DPP8: variants seen among roughly 807,000 people sequenced by gnomAD.
DPP8 encodes the protein dipeptidyl peptidase 8.
In DPP8, 31 loss-of-function variants were observed where a neutral mutation model predicts 107.5. That is an observed-to-expected ratio of 0.29 (90% CI 0.22 to 0.39). The LOEUF is 0.39. DPP8 is among the 10% of genes least tolerant of loss of function. The pLI is 1.00. For synonymous variants in DPP8, 381 were observed against 356.6 expected (o/e 1.07, Z -0.77); for missense variants, 842 against 1,076.1 (o/e 0.78, Z 3.04).
intron 1 of DPP8, among the ~76,000 whole-genome samples, chr15:65,514,655 C>G (rs751080733): frequency 8.5e-5 from 13 of 152,248 alleles, no homozygotes; most frequent in Non-Finnish European, 1.9e-4. Flanking sequence ...GGATTACAGG[C>G]ACCCGCCATC....
At chr15:65,502,047 G>T (rs1420880770) in intron 3 of DPP8, among the ~76,000 whole-genome samples, 1 of 152,132 alleles carries the variant, frequency 6.6e-6, no homozygotes, top group African/African-American at 2.4e-5. Flanking sequence ...GTGCCACCAC[G>T]CCCAGCTAAT....
Position 65,463,626 on chromosome 15 carries a change from A to G in DPP8, c.1971+135T>C. 6.2e-6 allele frequency: 4 copies of G among 649,558 alleles called. No homozygotes were observed. In the South Asian group the frequency reaches 9.0e-5, roughly 15 times the overall value. The allele number at this position is 649,558 out of a possible 1,614,324, so 40.2% of individuals were successfully genotyped here. Reference sequence around the variant, plus strand: ...CTGACCCCCTAAACTGAATAATTGGAATATAAGACGGAGTCATTAAAAGCA... The same window carrying G: ...CTGACCCCCTAAACTGAATAATTGGGATATAAGACGGAGTCATTAAAAGCA... On this transcript the variant is annotated intron_variant, in intron 15 of 19. Coordinates refer to ENST00000300141, the MANE Select transcript of DPP8 (RefSeq NM_130434.5).
At chr15:65,494,947 C>G (rs1486287429) in intron 5 of DPP8, among the ~76,000 whole-genome samples, 1 of 152,144 alleles carries the variant, frequency 6.6e-6, no homozygotes, top group African/African-American at 2.4e-5. Context: ...CACAAAGTAT[C>G]CAGAACAACT....
chr15:65,515,324 C>T (rs2071315346), intron 1 of DPP8, among the ~76,000 whole-genome samples: 1 of 152,074 alleles, frequency 6.6e-6, no homozygotes, highest in Non-Finnish European at 1.5e-5. Flanking sequence ...TCGTACTAAG[C>T]CCTGGACACT....
At chr15:65,449,754 A>G (rs2140319918) in intron 19 of DPP8, among the ~76,000 whole-genome samples, 1 of 152,238 alleles carries the variant, frequency 6.6e-6, no homozygotes, top group South Asian at 2.1e-4. Flanking sequence ...TTTTCTTCAC[A>G]TACTTTAGTC....
intron 5 of DPP8, among the ~76,000 whole-genome samples, chr15:65,491,708 G>C (rs2068048729): frequency 6.6e-6 from 1 of 152,122 alleles, no homozygotes; most frequent in South Asian, 2.1e-4. Flanking sequence ...TCTGTTTCCA[G>C]TTTCTGGCTA....
chr15:65,460,505 G>A (rs565295984), intron 15 of DPP8, among the ~76,000 whole-genome samples: 1 of 152,054 alleles, frequency 6.6e-6, no homozygotes, highest in African/African-American at 2.4e-5. Flanking sequence ...TCCAGTCCCT[G>A]ACAACTTCTA....
chr15:65,461,946 T>C (rs1168793280), intron 15 of DPP8, among the ~76,000 whole-genome samples: 1 of 151,674 alleles, frequency 6.6e-6, no homozygotes, highest in Non-Finnish European at 1.5e-5. Context: ...CTTCAAGCTT[T>C]AACCAGAAGT....
At chr15:65,502,194 G>A (rs1476858575) in intron 3 of DPP8, among the ~76,000 whole-genome samples, 1 of 152,026 alleles carries the variant, frequency 6.6e-6, no homozygotes, top group Admixed American at 6.6e-5. Context: ...TGGCCCTCAT[G>A]AAAGAAGTGA....
intron 2 of DPP8, chr15:65,511,845 G>A: frequency 1.7e-5 from 4 of 238,850 alleles, no homozygotes; most frequent in Non-Finnish European, 2.6e-5. Context: ...TAACAAACAA[G>A]AAAGTAAATC....
intron 11 of DPP8, chr15:65,475,493 T>C (rs927771082): frequency 1.3e-6 from 2 of 1,498,266 alleles, no homozygotes; most frequent in Non-Finnish European, 1.8e-6. Flanking sequence ...CACTCCCACA[T>C]AGGCCATCAC....
chr15:65,452,904 G>A (rs1454405369), intron 17 of DPP8, among the ~76,000 whole-genome samples: 3 of 151,630 alleles, frequency 2.0e-5, no homozygotes, highest in African/African-American at 4.9e-5. Flanking sequence ...CCTGAGAGGC[G>A]GAGGTTGCAG....
At position 65,463,312 on chromosome 15, in the gene DPP8, G is replaced by A. The variant is rs914921586; in HGVS notation, c.1971+449C>T. Among the ~76,000 whole-genome samples, 5 of 152,310 alleles carry A rather than the reference G, an allele frequency of 3.3e-5. No homozygotes were observed. In the East Asian group the frequency reaches 9.6e-4, roughly 29 times the overall value. On this transcript the variant is annotated intron_variant, in intron 15 of 19. Coordinates refer to ENST00000300141, the MANE Select transcript of DPP8 (RefSeq NM_130434.5). Reference sequence around the variant, plus strand: ...CCAACACTTTGGGAGCCTGAGGCGGGTGGGTCACTTGAGGTCAGGAGTTGG... The same window carrying A: ...CCAACACTTTGGGAGCCTGAGGCGGATGGGTCACTTGAGGTCAGGAGTTGG...
At position 65,492,664 on chromosome 15, in the gene DPP8, C is replaced by T. The variant is rs569950703; in HGVS notation, c.716-2365G>A. ...AGGGTAGAGCGCAGGGGTGAGATCTCGGGTCACTGCAGCCTTCATCTCCTG... is the reference window on the plus strand; with the variant it reads ...AGGGTAGAGCGCAGGGGTGAGATCTTGGGTCACTGCAGCCTTCATCTCCTG... On this transcript the variant is annotated intron_variant, in intron 5 of 19. Transcript: ENST00000300141. Among the ~76,000 whole-genome samples, 328 of 151,724 alleles carry T rather than the reference C, an allele frequency of 2.2e-3. 2 individuals are homozygous for T. The highest frequency in any genetic ancestry group is 0.017 in the Middle Eastern group (5 of 294).
At chr15:65,469,503 A>G (rs2065658458) in intron 12 of DPP8, among the ~76,000 whole-genome samples, 1 of 151,356 alleles carries the variant, frequency 6.6e-6, no homozygotes, top group African/African-American at 2.4e-5. Flanking sequence ...AAACACAAAA[A>G]TTAGCTGGGC....
rs1005010247 is a variant in DPP8 at position 65,503,680 on chromosome 15, T to C, written c.373-2901A>G. On this transcript the variant is annotated intron_variant, in intron 3 of 19. Transcript: ENST00000300141. ...CTCTGTCACTCAGGGTAGAGTGCAG[T>C]GGCACGATTTAAGCTCACTGCAACC... is the stretch of plus-strand genomic sequence containing the variant. 4.0e-5 allele frequency among the ~76,000 whole-genome samples: 6 copies of C among 151,832 alleles called. No homozygotes were observed. The East Asian group carries it at 1.2e-3, about 30-fold the overall frequency.
chr15:65,484,245 G>C (rs1380954399), intron 8 of DPP8, among the ~76,000 whole-genome samples: 1 of 151,276 alleles, frequency 6.6e-6, no homozygotes. Flanking sequence ...AGAATCATGT[G>C]AACCCAGAAG....
At chr15:65,505,595 T>G (rs2069857394) in intron 3 of DPP8, among the ~76,000 whole-genome samples, 1 of 152,172 alleles carries the variant, frequency 6.6e-6, no homozygotes, top group Non-Finnish European at 1.5e-5. Flanking sequence ...AATTTTTTGT[T>G]TTAAAGAAAA....
rs1039997502 is a variant in DPP8 at position 65,512,979 on chromosome 15, A to G, written c.-11-415T>C. The G allele has an allele frequency of 3.5e-5, 6 of 171,256 alleles. No individual in the cohort carries two copies. The East Asian group carries it at 1.0e-3, about 29-fold the overall frequency. 10.6% of individuals were successfully genotyped at this position (171,256 alleles called of 1,614,324 possible). On this transcript the variant is annotated intron_variant, in intron 1 of 19. Coordinates refer to ENST00000300141, the MANE Select transcript of DPP8 (RefSeq NM_130434.5). ...CTAAGTGTTTTGCATTTTAAAAAGT[A>G]ACACATTTGGTAAGTGTGGATTTTT... is the stretch of plus-strand genomic sequence containing the variant.
Sources: gnomAD v4.1 joint callset for allele counts (sites outside exome capture counted in the v4.1 genomes callset) on GRCh38, gnomAD v4.1.1 for gene constraint, MANE v1.5 for transcripts, NCBI Gene and HGNC (gene_info 2026-07-23, HGNC 2026-07-21) for gene names.